SYT16: variants seen among roughly 807,000 people sequenced by gnomAD.
SYT16 encodes the protein synaptotagmin 16.
A neutral mutation model predicts 61.4 loss-of-function variants in SYT16; 42 were observed. That is an observed-to-expected ratio of 0.68 (90% CI 0.53 to 0.89). SYT16 has a LOEUF of 0.89. SYT16 is among the 40% of genes least tolerant of loss of function. The probability of loss-of-function intolerance (pLI) is 0.00; values close to 1 mark genes in which losing one functional copy is unlikely to be tolerated. For missense variants in SYT16, 804 were observed against 807.3 expected, an observed-to-expected ratio of 1.00 and a Z score of 0.05; for synonymous variants, 314 against 302.3, an observed-to-expected ratio of 1.04 and a Z score of -0.40.
At chr14:61,897,943 C>G (rs1339052425) in intron 1 of SYT16, among the ~76,000 whole-genome samples, 1 of 149,540 alleles carries the variant, frequency 6.7e-6, no homozygotes, top group African/African-American at 2.4e-5. Flanking sequence ...ACTTGCTGCA[C>G]ACGTGGTTCT....
At position 62,109,140 on chromosome 14, in the gene SYT16, G is replaced by A. The variant is rs1023638161; in HGVS notation, c.*8433G>A. ...GTGTCCACTATTGTAGTATCATACA[G>A]AAGATTTTCACTGCCCTAAAAATCC... is the stretch of plus-strand genomic sequence containing the variant. On this transcript the variant is annotated 3_prime_UTR_variant, in exon 8 of 8. Coordinates refer to ENST00000683842, the MANE Select transcript of SYT16 (RefSeq NM_001367656.1). 7.9e-5 allele frequency: 12 copies of A among 152,106 alleles called. No homozygotes were observed. Among genetic ancestry groups the A allele is most frequent in the African/African-American group, 2.9e-4 (12 of 41,410 alleles). The allele number at this position is 152,106 out of a possible 1,614,324, so 9.4% of individuals were successfully genotyped here.
At chr14:62,081,333 AG>A (rs1478789276) in intron 6 of SYT16, 59 bp downstream of exon 6, 4 of 1,525,272 alleles carry the variant, frequency 2.6e-6, no homozygotes, top group Non-Finnish European at 3.6e-6. Context: ...TGGGATTGTC[AG>A]CCCTTGATTT....
chr14:62,045,947 T>C (rs1243606820), intron 3 of SYT16, among the ~76,000 whole-genome samples: 2 of 152,222 alleles, frequency 1.3e-5, no homozygotes, highest in Non-Finnish European at 2.9e-5. Context: ...GCATGATTTA[T>C]AATCCTTTGG....
intron 1 of SYT16, among the ~76,000 whole-genome samples, chr14:61,928,599 G>C (rs899125232): frequency 6.6e-6 from 1 of 152,174 alleles, no homozygotes; most frequent in Non-Finnish European, 1.5e-5. Flanking sequence ...TAGGTGAGAA[G>C]CCCAGTCTTC....
chr14:61,986,228 C>T (rs1010283758), intron 2 of SYT16, among the ~76,000 whole-genome samples: 1 of 151,778 alleles, frequency 6.6e-6, no homozygotes, highest in Non-Finnish European at 1.5e-5. Context: ...AGTTGTTTAA[C>T]CAGCTAAACA....
At chr14:62,052,100 C>T (rs2055330230) in intron 3 of SYT16, among the ~76,000 whole-genome samples, 1 of 151,746 alleles carries the variant, frequency 6.6e-6, no homozygotes, top group African/African-American at 2.4e-5. Context: ...ATAGTTCTTC[C>T]TTGTATTTTG....
At chr14:62,024,230 C>T (rs977945456) in intron 3 of SYT16, among the ~76,000 whole-genome samples, 1 of 151,876 alleles carries the variant, frequency 6.6e-6, no homozygotes, top group Non-Finnish European at 1.5e-5. Flanking sequence ...TCATCTACCG[C>T]AGGAATTCTA....
chr14:62,015,171 A>G (rs1478478146), intron 3 of SYT16, among the ~76,000 whole-genome samples: 1 of 152,160 alleles, frequency 6.6e-6, no homozygotes. Flanking sequence ...TTTATATTGT[A>G]TCTAAATTTT....
intron 1 of SYT16, among the ~76,000 whole-genome samples, chr14:61,923,566 G>A (rs916356243): frequency 2.0e-5 from 3 of 152,010 alleles, no homozygotes; most frequent in Non-Finnish European, 2.9e-5. Flanking sequence ...GTGAGCGAGC[G>A]GAAACATTTC....
rs1469509453 is a variant in SYT16, at chr14:62,079,306, A to T, written c.994-1528A>T. On this transcript the variant is annotated intron_variant, in intron 5 of 7. Coordinates refer to ENST00000683842, the MANE Select transcript of SYT16 (RefSeq NM_001367656.1). Reference sequence around the variant, plus strand: ...CACAGGAAAGGATATAAGAAGCTTCACTTATTTTACAAGAAATCTAAATTT... The same window carrying T: ...CACAGGAAAGGATATAAGAAGCTTCTCTTATTTTACAAGAAATCTAAATTT... The T allele has an allele frequency of 1.4e-5, 16 of 1,107,992 alleles. No individual in the cohort carries two copies. In the East Asian group the frequency reaches 6.4e-4, roughly 45 times the overall value. The allele number at this position is 1,107,992 out of a possible 1,614,324, so 68.6% of individuals were successfully genotyped here.
chr14:62,018,140 C>T (rs1248516922), intron 3 of SYT16, among the ~76,000 whole-genome samples: 4 of 151,954 alleles, frequency 2.6e-5, no homozygotes, highest in Non-Finnish European at 5.9e-5. Flanking sequence ...CAATAATTTC[C>T]AAAGCATTTA....
chr14:61,963,484 C>T (rs567754590), intron 1 of SYT16, among the ~76,000 whole-genome samples: 3 of 152,272 alleles, frequency 2.0e-5, no homozygotes, highest in African/African-American at 7.2e-5. Context: ...AGTGCCTAAT[C>T]CAGAGTAAAA....
At chr14:61,859,955 G>C (rs1297619983) in intron 1 of SYT16, among the ~76,000 whole-genome samples, 1 of 152,026 alleles carries the variant, frequency 6.6e-6, no homozygotes, top group African/African-American at 2.4e-5. Context: ...GATAAGGTCG[G>C]GGACATATAA....
At chr14:61,886,036 C>T (rs2047887350) in intron 1 of SYT16, among the ~76,000 whole-genome samples, 1 of 150,082 alleles carries the variant, frequency 6.7e-6, no homozygotes. Context: ...GCGATCTTGG[C>T]TCACTGCAAG....
chr14:61,893,215 T>TTA (rs2048203215), intron 1 of SYT16, among the ~76,000 whole-genome samples: 1 of 152,192 alleles, frequency 6.6e-6, no homozygotes, highest in Non-Finnish European at 1.5e-5. Context: ...CACACAGCAT[T>TTA]GTTATGGCCA....
intron 3 of SYT16, among the ~76,000 whole-genome samples, chr14:62,054,481 C>T (rs1021318642): frequency 2.0e-5 from 3 of 151,782 alleles, no homozygotes; most frequent in African/African-American, 7.3e-5. Context: ...CCACCTCAGC[C>T]TGACTAGTAG....
chr14:61,969,392 T>C (rs1595046100), intron 1 of SYT16, among the ~76,000 whole-genome samples: 1 of 152,176 alleles, frequency 6.6e-6, no homozygotes, highest in Admixed American at 6.6e-5. Flanking sequence ...TATAGCTGAA[T>C]GCAATGGCTG....
At chr14:62,054,656 C>T (rs1374412741) in intron 3 of SYT16, among the ~76,000 whole-genome samples, 1 of 152,130 alleles carries the variant, frequency 6.6e-6, no homozygotes, top group Non-Finnish European at 1.5e-5. Context: ...GCCACTGTGC[C>T]TGGCTAGTGA....
intron 1 of SYT16, among the ~76,000 whole-genome samples, chr14:61,829,812 G>A (rs892289581): frequency 6.6e-6 from 1 of 151,934 alleles, no homozygotes; most frequent in African/African-American, 2.4e-5. Context: ...CAGCCACCAC[G>A]CCCAGCTAAT....
Sources: allele counts gnomAD v4.1 joint callset (sites outside exome capture counted in the v4.1 genomes callset), GRCh38; gene constraint gnomAD v4.1.1; transcripts MANE v1.5; gene names NCBI Gene and HGNC (gene_info 2026-07-23, HGNC 2026-07-21).